The following PFKP variants were observed in gnomAD, a reference collection of about 807,000 sequenced individuals.
The protein encoded by PFKP is ATP-dependent 6-phosphofructokinase, platelet type.
PFKP carries 101 observed loss-of-function variants against 94.3 expected under a neutral mutation model. That is an observed-to-expected ratio of 1.07 (90% CI 0.91 to 1.26). The LOEUF (loss-of-function observed/expected upper bound fraction) is 1.26, where lower values mean the gene tolerates loss of function less well. PFKP is among the 50% of genes most tolerant of loss of function. The pLI, the probability that PFKP is intolerant of heterozygous loss-of-function variation, is 0.00. For missense variants in PFKP, 1,145 were observed against 1,103.3 expected (o/e 1.04, Z -0.53); for synonymous variants, 573 against 432.6 (o/e 1.32, Z -4.03).
chr10:3,118,699 G>A, intron 14 of PFKP, 83 bp from the exon 15 acceptor site: 4 of 910,342 alleles, frequency 4.4e-6, no homozygotes, highest in South Asian at 2.9e-5. Context: ...GGGGAAGGCG[G>A]CCGGGTGGGG....
intron 16 of PFKP, among the ~76,000 whole-genome samples, chr10:3,128,096 A>AGGAC (rs57993510): frequency 0.37 from 56,417 of 151,608 alleles, 11,229 homozygotes; most frequent in Non-Finnish European, 0.47. Flanking sequence ...GCCGTTGACC[A>AGGAC]GGACGGACGG....
intron 5 of PFKP, among the ~76,000 whole-genome samples, chr10:3,104,242 G>A (rs142461532): frequency 0.013 from 1,905 of 152,294 alleles, 56 homozygotes; most frequent in African/African-American, 0.042. Context: ...GGAGTGGCAA[G>A]CAGGAAACTG....
Position 3,132,371 on chromosome 10 carries a change from C to G in PFKP, c.1849-9C>G. On this transcript the variant is annotated splice_polypyrimidine_tract_variant and intron_variant, in intron 17 of 21. Transcript: ENST00000381125. ...TTTATTGTCTGATTAACAAAATACT[C>G]TCTTCCAGTCCAACGTGGAGCACCT... is the stretch of plus-strand genomic sequence containing the variant. The G allele has an allele frequency of 1.2e-6, 2 of 1,600,582 alleles. No individual in the cohort carries two copies. The highest frequency in any genetic ancestry group is 1.1e-5 in the South Asian group (1 of 90,784).
At chr10:3,125,175 G>A in intron 16 of PFKP, 1 of 1,348,746 alleles carries the variant, frequency 7.4e-7, no homozygotes, top group South Asian at 1.2e-5. Context: ...TGTGGTGCCG[G>A]CCACGATTAG....
At chr10:3,090,512 G>GT (rs1241051103) in intron 2 of PFKP, among the ~76,000 whole-genome samples, 25 of 152,190 alleles carry the variant, frequency 1.6e-4, no homozygotes, top group Non-Finnish European at 1.5e-5. Flanking sequence ...GTCTGCACCT[G>GT]AACACATCTA....
In PFKP at chr10:3,084,774, A is replaced by AG. The variant is rs1463070785; in HGVS notation, c.186+2313_186+2314insG. Among the ~76,000 whole-genome samples, 214 of 113,182 alleles carry AG rather than the reference A, an allele frequency of 1.9e-3. 7 individuals carry two copies. The highest frequency in any genetic ancestry group is 3.2e-3 in the East Asian group (13 of 4,032). The allele number at this position is 113,182 out of a possible 152,430, so 74.3% of individuals were successfully genotyped here. A position where few individuals can be genotyped will look rare whatever the true frequency, so the allele number is the denominator to read the frequency against. ...CAGCCCCTCCCCAGGAGAGTCCTCC[A>AG]CCCCCTCCCCAGGAGAGTCCTCCAT... On this transcript the variant is annotated intron_variant, in intron 2 of 21. Coordinates refer to ENST00000381125, the MANE Select transcript of PFKP (RefSeq NM_002627.5).
Position 3,109,413 on chromosome 10 carries a change from C to A in PFKP, c.1022C>A (p.Pro341Gln). The change falls in exon 10 of 22, where the codon CCA becomes CAA. Residue 341 changes from proline (P) to glutamine (Q), a missense_variant. Around this residue, in one of 3 missense-constraint regions of PFKP, gnomAD observed 1,119 missense variants for 1,062.8 expected, o/e 1.05. Transcript: ENST00000381125. ...IALLEATPDTPACVVSLNGNH... is the reference protein window; with the variant it reads ...IALLEATPDTQACVVSLNGNH... ...TTGCTAGAGGCCACCCCGGACACCC[C>A]AGCTTGCGTCGTGTCACTGAACGGG... 4 of 1,610,164 alleles carry A rather than the reference C, an allele frequency of 2.5e-6. No individual in the cohort carries two copies. The highest frequency in any genetic ancestry group is 2.5e-6 in the Non-Finnish European group (3 of 1,180,006).
intron 13 of PFKP, among the ~76,000 whole-genome samples, chr10:3,115,947 G>T (rs563833267): frequency 6.6e-6 from 1 of 152,252 alleles, no homozygotes; most frequent in African/African-American, 2.4e-5. Flanking sequence ...CCATCCACCC[G>T]CATCTCAGCA....
chr10:3,082,479 AC>A lies in PFKP; in HGVS notation c.186+23del, dbSNP rs1833161377. ...TCTACGAGGTCAGTGTCTGCCCCTCACCCCCTGTCGCCCTTCTTCCACCTGC... is the reference window on the plus strand; with the variant it reads ...TCTACGAGGTCAGTGTCTGCCCCTCACCCCTGTCGCCCTTCTTCCACCTGC... On this transcript the variant is annotated intron_variant, in intron 2 of 21. Coordinates refer to ENST00000381125, the MANE Select transcript of PFKP (RefSeq NM_002627.5). 3.8e-6 allele frequency: 6 copies of A among 1,582,180 alleles called. No homozygotes were observed. The highest frequency in any genetic ancestry group is 4.3e-6 in the Non-Finnish European group (5 of 1,158,532).
chr10:3,117,703 C>T (rs963859085), intron 14 of PFKP, among the ~76,000 whole-genome samples: 2 of 152,148 alleles, frequency 1.3e-5, no homozygotes, highest in African/African-American at 2.4e-5. Context: ...TAGGTAGAGG[C>T]AGATGCATCC....
At chr10:3,110,918 ACG>A (rs1412394595) in intron 10 of PFKP, among the ~76,000 whole-genome samples, 6 of 146,240 alleles carry the variant, frequency 4.1e-5, no homozygotes, top group African/African-American at 1.4e-4. Flanking sequence ...GCATGTTTGT[ACG>A]TGTGTGCATG....
At chr10:3,080,243 T>C (rs1832945181) in intron 1 of PFKP, among the ~76,000 whole-genome samples, 1 of 151,822 alleles carries the variant, frequency 6.6e-6, no homozygotes, top group Non-Finnish European at 1.5e-5. Flanking sequence ...CATTGCCGGG[T>C]GCAGTGGCTC....
At chr10:3,081,852 C>G (rs1833104180) in intron 1 of PFKP, among the ~76,000 whole-genome samples, 1 of 151,500 alleles carries the variant, frequency 6.6e-6, no homozygotes, top group Admixed American at 6.6e-5. Context: ...CATTGTATAA[C>G]ACTGTTCTTC....
In PFKP at chr10:3,110,166, G is replaced by C. The variant is rs374414727; in HGVS notation, c.1089+686G>C. Among the ~76,000 whole-genome samples, 25 of 152,192 alleles carry C rather than the reference G, an allele frequency of 1.6e-4. No homozygotes were observed. In the East Asian group the frequency reaches 1.9e-3, roughly 12 times the overall value. On this transcript the variant is annotated intron_variant, in intron 10 of 21. Transcript: ENST00000381125. ...AGGCATTGGTTCAGTAGTGGAGGTGGCTGTGGAGTTAGCTGCATTTGAAGT... is the reference window on the plus strand; with the variant it reads ...AGGCATTGGTTCAGTAGTGGAGGTGCCTGTGGAGTTAGCTGCATTTGAAGT...
At chr10:3,099,456 T>C (rs1588457683) in intron 3 of PFKP, 104 bp downstream of exon 3, 12 of 880,432 alleles carry the variant, frequency 1.4e-5, no homozygotes, top group Non-Finnish European at 2.3e-5. Flanking sequence ...AAATAGAGAT[T>C]ATGTGGACAG....
chr10:3,108,179 G>A (rs4881084), intron 8 of PFKP, among the ~76,000 whole-genome samples: 14,573 of 152,196 alleles, frequency 0.096, 901 homozygotes, highest in South Asian at 0.23. Context: ...AGGAATTTAC[G>A]TAGCCCAGCC....
intron 5 of PFKP, 93 bp from the exon 6 acceptor site, chr10:3,105,022 T>G: frequency 8.1e-7 from 1 of 1,228,170 alleles, no homozygotes. Flanking sequence ...CCCTTTTCTC[T>G]GCTTTCTGAG....
At chr10:3,115,401 G>A (rs368763570) in intron 13 of PFKP, among the ~76,000 whole-genome samples, 1 of 78,292 alleles carries the variant, frequency 1.3e-5, no homozygotes, top group East Asian at 9.8e-4. Flanking sequence ...TGGGGATGCC[G>A]GGGTGAAGGT....
intron 14 of PFKP, among the ~76,000 whole-genome samples, chr10:3,117,358 G>A (rs1225988856): frequency 6.6e-6 from 1 of 152,152 alleles, no homozygotes; most frequent in Non-Finnish European, 1.5e-5. Context: ...CATCCCTGGG[G>A]ACAATGGGAT....
Sources: allele counts gnomAD v4.1 joint callset (sites outside exome capture counted in the v4.1 genomes callset), GRCh38; gene constraint gnomAD v4.1.1; regional missense constraint gnomAD v4.1.1; transcripts MANE v1.5; gene names NCBI Gene and HGNC (gene_info 2026-07-23, HGNC 2026-07-21).